Variants in EXOSC7 observed in about 807,000 individuals in gnomAD.
EXOSC7 encodes the protein exosome complex component RRP42.
In EXOSC7, 25 loss-of-function variants were observed where a neutral mutation model predicts 34.3. That is an observed-to-expected ratio of 0.73 (90% CI 0.53 to 1.02). EXOSC7 has a LOEUF of 1.02. Among genes scored for constraint, EXOSC7 ranks in the 50% least tolerant of loss-of-function variants. The pLI, the probability that EXOSC7 is intolerant of heterozygous loss-of-function variation, is 0.00. For synonymous variants in EXOSC7, 130 were observed against 143.0 expected, an observed-to-expected ratio of 0.91 and a Z score of 0.65; for missense variants, 370 against 368.5, an observed-to-expected ratio of 1.00 and a Z score of -0.03.
intron 4 of EXOSC7, among the ~76,000 whole-genome samples, chr3:44,999,705 T>A (rs1303819762): frequency 1.3e-5 from 2 of 151,932 alleles, no homozygotes; most frequent in Non-Finnish European, 2.9e-5. Flanking sequence ...AAAAAAAAGT[T>A]GTCATCTTCA....
At chr3:44,986,854 A>C (rs983509165) in intron 1 of EXOSC7, among the ~76,000 whole-genome samples, 16 of 152,242 alleles carry the variant, frequency 1.1e-4, no homozygotes, top group Non-Finnish European at 1.9e-4. Flanking sequence ...TTCTCAAAAA[A>C]GTCAGTCACA....
intron 3 of EXOSC7, among the ~76,000 whole-genome samples, chr3:44,996,160 A>G (rs1303660399): frequency 6.6e-6 from 1 of 152,206 alleles, no homozygotes; most frequent in Non-Finnish European, 1.5e-5. Flanking sequence ...AGGGGTCAGA[A>G]GGCTTTAATA....
At chr3:44,999,025 T>A (rs1706803192) in intron 4 of EXOSC7, among the ~76,000 whole-genome samples, 2 of 152,226 alleles carry the variant, frequency 1.3e-5, no homozygotes, top group Non-Finnish European at 2.9e-5. Context: ...GCACACTGCA[T>A]TTGTCCTTTT....
rs776307896 is a variant in EXOSC7 at position 44,989,158 on chromosome 3, G to A, written c.76G>A (p.Gly26Ser). 1.2e-6 allele frequency: 2 copies of A among 1,614,048 alleles called. No individual in the cohort carries two copies. The highest frequency in any genetic ancestry group is 1.1e-5 in the South Asian group (1 of 91,074). Residue 26 changes from glycine (G) to serine (S), a missense_variant, in exon 2 of 8, where the codon GGC (glycine) becomes AGC (serine). By Grantham distance (56) the Gly-to-Ser change is moderately conservative (BLOSUM62 0). Coordinates refer to ENST00000265564, the MANE Select transcript of EXOSC7 (RefSeq NM_015004.4). ...HGVQEDLRVD[G>S]RGCEDYRCVE... is the part of the protein sequence containing the mutation. Reference sequence around the variant, plus strand: ...CACCTAGGAAGACCTCCGTGTGGATGGCCGTGGCTGTGAGGACTACCGATG... The same window carrying A: ...CACCTAGGAAGACCTCCGTGTGGATAGCCGTGGCTGTGAGGACTACCGATG...
chr3:44,997,154 A>G lies in EXOSC7; in HGVS notation c.322A>G (p.Thr108Ala). The G allele has an allele frequency of 6.2e-7, 1 of 1,613,980 alleles. No individual in the cohort carries two copies. Among genetic ancestry groups the G allele is most frequent in the Non-Finnish European group, 8.5e-7 (1 of 1,179,978 alleles). ...TGACCTTGGCACCGAGATCGCTAAC[A>G]CCCTCTATCGGATATTTAACAATAA... is the stretch of plus-strand genomic sequence containing the variant. The part of the protein sequence containing the change: ...GDDLGTEIAN[T>A]LYRIFNNKSS... The change falls in exon 4 of 8, where the codon ACC becomes GCC. Residue 108 changes from threonine (T) to alanine (A), a missense_variant. Physicochemically the swap from Thr to Ala is moderately conservative, Grantham distance 58. Transcript: ENST00000265564.
intron 5 of EXOSC7, chr3:45,004,560 T>TTG (rs1334020027): frequency 6.6e-6 from 1 of 151,112 alleles, no homozygotes; most frequent in Non-Finnish European, 1.5e-5. Context: ...CTGGCGTTTT[T>TTG]TTTTTTTTGT....
At chr3:45,011,852 A>G (rs1342278312), downstream of EXOSC7, among the ~76,000 whole-genome samples, 2 of 152,186 alleles carry the variant, frequency 1.3e-5, no homozygotes, top group Non-Finnish European at 2.9e-5. Flanking sequence ...CTGCCCTCCA[A>G]GAGATCCGAA....
chr3:44,997,261 C>T lies in EXOSC7; in HGVS notation c.420+9C>T, dbSNP rs768405885. The T allele has an allele frequency of 6.2e-7, 1 of 1,613,186 alleles. No homozygotes were observed. Among genetic ancestry groups the T allele is most frequent in the East Asian group, 2.2e-5 (1 of 44,882 alleles). On this transcript the variant is annotated intron_variant, in intron 4 of 7. Transcript: ENST00000265564. Reference sequence around the variant, plus strand: ...TCTATGTGGATGTGCTGGTGAGTATCATCGTGCTGTACTGGCCACATTCTA... The same window carrying T: ...TCTATGTGGATGTGCTGGTGAGTATTATCGTGCTGTACTGGCCACATTCTA...
At position 44,989,567 on chromosome 3, in the gene EXOSC7, G is replaced by C. The variant is rs1304572284; in HGVS notation, c.177G>C (p.Leu59Phe). Reference protein sequence around the residue: ...ARVKLGHTDILVGVKAEMGTP... With the variant: ...ARVKLGHTDIFVGVKAEMGTP... The stretch of plus-strand genomic sequence containing the variant: ...GTCTGCAGGGTCACACAGACATCTT[G>C]GTGGGAGTGAAAGCAGAAATGGGGA... The change falls in exon 3 of 8, where the codon TTG (leucine) becomes TTC (phenylalanine). Residue 59 changes from leucine (L) to phenylalanine (F), a missense_variant. By Grantham distance (22) the Leu-to-Phe change is conservative. Around this residue, in one of 3 missense-constraint regions of EXOSC7, gnomAD observed 95 missense variants for 79.8 expected, o/e 1.19. Transcript: ENST00000265564. 10 of 1,613,956 alleles carry C rather than the reference G, an allele frequency of 6.2e-6. No homozygotes were observed. Among genetic ancestry groups the C allele is most frequent in the Non-Finnish European group, 8.5e-6 (10 of 1,179,944 alleles).
intron 3 of EXOSC7, among the ~76,000 whole-genome samples, chr3:44,993,724 G>A (rs1346542380): frequency 6.6e-6 from 1 of 152,162 alleles, no homozygotes; most frequent in Non-Finnish European, 1.5e-5. Flanking sequence ...AAAGCATTTG[G>A]TTTTATGCCC....
At chr3:44,988,892 A>G (rs1412878207) in intron 1 of EXOSC7, among the ~76,000 whole-genome samples, 1 of 152,230 alleles carries the variant, frequency 6.6e-6, no homozygotes, top group Non-Finnish European at 1.5e-5. Flanking sequence ...CACAACTGGC[A>G]TGGAAAACTA....
intron 1 of EXOSC7, among the ~76,000 whole-genome samples, chr3:44,986,720 TG>T (rs1214356085): frequency 6.6e-6 from 1 of 152,194 alleles, no homozygotes; most frequent in Non-Finnish European, 1.5e-5. Context: ...ACCTTCCACC[TG>T]ATTTGTGATG....
At chr3:45,007,245 A>T (rs1020923207) in intron 6 of EXOSC7, among the ~76,000 whole-genome samples, 175 bp from the exon 7 acceptor site, 1 of 152,192 alleles carries the variant, frequency 6.6e-6, no homozygotes, top group African/African-American at 2.4e-5. Context: ...GTGGCCTGTG[A>T]GAATTGTTGA....
intron 1 of EXOSC7, 21 bp downstream of exon 1, chr3:44,976,355 G>C (rs759139058): frequency 1.3e-6 from 2 of 1,563,686 alleles, no homozygotes; most frequent in South Asian, 1.2e-5. Context: ...CAGCGGCGTT[G>C]GGTCGGCCGC....
chr3:44,990,953 G>A (rs1706554006), intron 3 of EXOSC7, among the ~76,000 whole-genome samples: 1 of 152,172 alleles, frequency 6.6e-6, no homozygotes, highest in Admixed American at 6.5e-5. Context: ...ACCCACTTTT[G>A]TAGGGTGAGT....
intron 3 of EXOSC7, among the ~76,000 whole-genome samples, chr3:44,994,856 G>GGGGTGTGT (rs1313160149): frequency 3.1e-4 from 42 of 134,948 alleles, no homozygotes; most frequent in African/African-American, 9.0e-4. Flanking sequence ...TGGAAGAATG[G>GGGGTGTGT]GTGTGTGTGT....
At chr3:44,989,021 T>A in intron 1 of EXOSC7, 119 bp from the exon 2 acceptor site, 3 of 630,694 alleles carry the variant, frequency 4.8e-6, no homozygotes, top group Non-Finnish European at 8.5e-6. Context: ...TTTTAGATGA[T>A]CCACTAAGAG....
intron 6 of EXOSC7, 72 bp from the exon 7 acceptor site, chr3:45,007,348 C>A: frequency 1.3e-6 from 2 of 1,543,148 alleles, no homozygotes; most frequent in South Asian, 1.2e-5. Context: ...GAGATTCCCA[C>A]CACGAGGCCA....
rs188553584 is a variant in EXOSC7 at position 44,977,716 on chromosome 3, T to A, written c.57+1382T>A. Among the ~76,000 whole-genome samples, 3 of 152,348 alleles carry A rather than the reference T, an allele frequency of 2.0e-5. No individual in the cohort carries two copies. The East Asian group carries it at 5.8e-4, about 29-fold the overall frequency. On this transcript the variant is annotated intron_variant, in intron 1 of 7. Transcript: ENST00000265564. ...GTTCAGGTGATTTTTATCCTCAAAG[T>A]ATTTTTTTAGGGACACATTACGGAT...
Sources: gnomAD v4.1 joint callset for allele counts (sites outside exome capture counted in the v4.1 genomes callset) on GRCh38, gnomAD v4.1.1 for gene constraint, gnomAD v4.1.1 regional missense constraint, MANE v1.5 for transcripts, NCBI Gene and HGNC (gene_info 2026-07-23, HGNC 2026-07-21) for gene names.